The following PPME1 variants were observed in gnomAD, a reference collection of about 807,000 sequenced individuals.
The protein encoded by PPME1 is testicular secretory protein Li 39.
PPME1 carries 17 observed loss-of-function variants against 56.9 expected under a neutral mutation model. The observed-to-expected ratio is 0.30, with a 90% CI of 0.20 to 0.45. The LOEUF (loss-of-function observed/expected upper bound fraction) is 0.45. Ranked by LOEUF, PPME1 falls within the 20% of genes least tolerant of loss-of-function variation. The pLI is 1.00. For synonymous variants in PPME1, 122 were observed against 156.2 expected (o/e 0.78, Z 1.63); for missense variants, 357 against 483.2 (o/e 0.74, Z 2.45).
At chr11:74,225,569 T>C (rs10488770) in intron 5 of PPME1, among the ~76,000 whole-genome samples, 15,818 of 152,188 alleles carry the variant, frequency 0.1, 2,150 homozygotes, top group African/African-American at 0.32. Context: ...ATCTGGGTAC[T>C]TATCATGGAC....
intron 13 of PPME1, among the ~76,000 whole-genome samples, chr11:74,252,816 C>T (rs1185764803): frequency 3.9e-5 from 6 of 152,132 alleles, no homozygotes; most frequent in African/African-American, 1.4e-4. Flanking sequence ...GGTAGCTCTT[C>T]ATCTGTTTAG....
chr11:74,234,295 G>T (rs1355397879), intron 7 of PPME1, among the ~76,000 whole-genome samples: 5 of 152,158 alleles, frequency 3.3e-5, no homozygotes, highest in African/African-American at 4.8e-5. Context: ...GTTAGAAGAG[G>T]CTGAACTAGA....
At chr11:74,188,230 A>G (rs1374474777) in intron 1 of PPME1, among the ~76,000 whole-genome samples, 3 of 136,952 alleles carry the variant, frequency 2.2e-5, no homozygotes, top group African/African-American at 8.4e-5. Context: ...GCTCTCACCC[A>G]GGCTGGAGTG....
intron 1 of PPME1, among the ~76,000 whole-genome samples, chr11:74,188,936 A>G (rs146354988): frequency 2.0e-5 from 3 of 152,368 alleles, no homozygotes; most frequent in Non-Finnish European, 4.4e-5. Context: ...AACAAAAATT[A>G]TTTACATGAC....
chr11:74,233,505 T>A (rs1373305657), intron 7 of PPME1, among the ~76,000 whole-genome samples: 1 of 151,350 alleles, frequency 6.6e-6, no homozygotes, highest in Non-Finnish European at 1.5e-5. Context: ...GCAGCAGGGG[T>A]ATAGTCATTA....
chr11:74,241,096 A>G lies in PPME1; in HGVS notation c.834+1840A>G, dbSNP rs1859345305. On this transcript the variant is annotated intron_variant, in intron 9 of 13. Coordinates refer to ENST00000328257, the MANE Select transcript of PPME1 (RefSeq NM_016147.3). ...CATAAACTCCAGCAGTTCTGTTGAGAGGGTGAACTGAGGCACATTAAGGAG... is the reference window on the plus strand; with the variant it reads ...CATAAACTCCAGCAGTTCTGTTGAGGGGGTGAACTGAGGCACATTAAGGAG... 2.6e-5 allele frequency among the ~76,000 whole-genome samples: 4 copies of G among 152,316 alleles called. 1 individual carries two copies. In the South Asian group the frequency reaches 8.3e-4, roughly 32 times the overall value.
chr11:74,207,053 C>T (rs2135628422), intron 3 of PPME1, among the ~76,000 whole-genome samples: 1 of 152,286 alleles, frequency 6.6e-6, no homozygotes, highest in African/African-American at 2.4e-5. Flanking sequence ...GTTCTGACTC[C>T]AGTGTGCATA....
intron 3 of PPME1, among the ~76,000 whole-genome samples, chr11:74,206,477 A>G (rs1415562527): frequency 6.6e-6 from 1 of 152,214 alleles, no homozygotes; most frequent in African/African-American, 2.4e-5. Context: ...TACTTTAAAC[A>G]ATAGCATTTA....
At chr11:74,179,963 C>T (rs1857489507) in intron 1 of PPME1, among the ~76,000 whole-genome samples, 1 of 152,244 alleles carries the variant, frequency 6.6e-6, no homozygotes, top group Non-Finnish European at 1.5e-5. Flanking sequence ...GTGATTAAGA[C>T]TGCTACTGTG....
At chr11:74,251,082 G>A in intron 12 of PPME1, 64 bp downstream of exon 12, 1 of 1,546,686 alleles carries the variant, frequency 6.5e-7, no homozygotes, top group Non-Finnish European at 8.8e-7. Flanking sequence ...TGTCACAGAA[G>A]ACAAGTCTCT....
At position 74,239,135 on chromosome 11, in the gene PPME1, G is replaced by C. The variant is rs190849735; in HGVS notation, c.713G>C (p.Cys238Ser). Residue 238 changes from cysteine to serine, a missense_variant and splice_region_variant, in exon 9 of 14, where the codon TGT (cysteine) becomes TCT (serine). Cys to Ser is a moderately radical substitution (Grantham distance 112). This residue lies in a region of PPME1 where 182 missense variants were observed against 293.8 expected (regional missense o/e 0.62). Transcript: ENST00000328257. ...RVSMVGQVKQ[C>S]EGITSPEGSK... Reference sequence around the variant, plus strand: ...AGCACTTTTTTAAAAAAACCTAGGTGTGAAGGAATTACAAGTCCAGAAGGC... The same window carrying C: ...AGCACTTTTTTAAAAAAACCTAGGTCTGAAGGAATTACAAGTCCAGAAGGC... The C allele has an allele frequency of 1.7e-4, 275 of 1,611,516 alleles. 3 individuals carry two copies. In the East Asian group the frequency reaches 5.1e-3, roughly 30 times the overall value.
At chr11:74,246,997 T>C (rs1859519563) in intron 10 of PPME1, 82 bp from the exon 11 acceptor site, 1 of 1,161,632 alleles carries the variant, frequency 8.6e-7, no homozygotes, top group Admixed American at 2.0e-5. Context: ...GAGAATGTCA[T>C]CATATTTAAA....
intron 4 of PPME1, among the ~76,000 whole-genome samples, chr11:74,223,942 G>GC (rs1338953463): frequency 1.3e-5 from 2 of 151,114 alleles, no homozygotes; most frequent in Non-Finnish European, 3.0e-5. Flanking sequence ...AAGCTCTTTA[G>GC]TTTAATTAGA....
At chr11:74,225,613 C>T (rs544521074) in intron 5 of PPME1, among the ~76,000 whole-genome samples, 8 of 152,268 alleles carry the variant, frequency 5.3e-5, no homozygotes, top group African/African-American at 1.9e-4. Flanking sequence ...TGCAAGAGGC[C>T]TTGAGAGTAT....
intron 3 of PPME1, among the ~76,000 whole-genome samples, chr11:74,211,944 A>G (rs1858487906): frequency 6.6e-6 from 1 of 152,228 alleles, no homozygotes; most frequent in African/African-American, 2.4e-5. Flanking sequence ...GCAGAGCAAG[A>G]TGGTGAAATA....
intron 9 of PPME1, among the ~76,000 whole-genome samples, chr11:74,243,169 C>T (rs867461866): frequency 3.3e-5 from 5 of 152,208 alleles, no homozygotes; most frequent in South Asian, 2.1e-4. Context: ...CTCATTATAT[C>T]AGCCTGCTTT....
chr11:74,239,068 G>T, intron 8 of PPME1, 65 bp from the exon 9 acceptor site: 1 of 1,471,202 alleles, frequency 6.8e-7, no homozygotes, highest in Admixed American at 2.0e-5. Context: ...GTAAGTATGA[G>T]TATCTCTGAG....
Position 74,209,861 on chromosome 11 carries a change from G to A in PPME1, c.288+5416G>A, listed in dbSNP as rs150648651. 5.1e-3 allele frequency among the ~76,000 whole-genome samples: 779 copies of A among 152,190 alleles called. 6 individuals are homozygous for A. Among genetic ancestry groups the A allele is most frequent in the African/African-American group, 0.018 (745 of 41,528 alleles). Reference sequence around the variant, plus strand: ...ATTATTAGTCTGATACCAAAACCAGGCAATGATAATATAGGAAAACTAAGC... The same window carrying A: ...ATTATTAGTCTGATACCAAAACCAGACAATGATAATATAGGAAAACTAAGC... On this transcript the variant is annotated intron_variant, in intron 3 of 13. Transcript: ENST00000328257.
chr11:74,203,922 T>C (rs774231637), intron 2 of PPME1, 101 bp downstream of exon 2: 67 of 796,266 alleles, frequency 8.4e-5, no homozygotes, highest in Admixed American at 3.2e-4. Context: ...CTGCTACTTA[T>C]TTCACCTTAT....
Sources: gnomAD v4.1 joint callset for allele counts (sites outside exome capture counted in the v4.1 genomes callset) on GRCh38, gnomAD v4.1.1 for gene constraint, gnomAD v4.1.1 regional missense constraint, MANE v1.5 for transcripts, NCBI Gene and HGNC (gene_info 2026-07-23, HGNC 2026-07-21) for gene names.